Variants in PPP2R3A observed in about 807,000 individuals in gnomAD.
PPP2R3A encodes protein phosphatase 2 regulatory subunit B''alpha, also known as serine/threonine-protein phosphatase 2A regulatory subunit B'' subunit alpha.
PPP2R3A carries 80 observed loss-of-function variants against 106.9 expected under a neutral mutation model. The ratio of observed to expected loss-of-function variants is 0.75; its 90% CI spans 0.62 to 0.90. The LOEUF is 0.90. Ranked by LOEUF, PPP2R3A falls within the 40% of genes least tolerant of loss-of-function variation. The pLI is 0.00. For missense variants in PPP2R3A, 1,386 were observed against 1,350.4 expected (o/e 1.03, Z -0.41); for synonymous variants, 483 against 468.3 (o/e 1.03, Z -0.41).
At chr3:136,081,360 T>C (rs1936776548) in intron 7 of PPP2R3A, among the ~76,000 whole-genome samples, 1 of 152,194 alleles carries the variant, frequency 6.6e-6, no homozygotes, top group Admixed American at 6.5e-5. Context: ...CATTTAACCG[T>C]GTATGTTTGT....
chr3:136,087,242 CGT>C lies in PPP2R3A; in HGVS notation c.2789-638_2789-637del, dbSNP rs923472127. Among the ~76,000 whole-genome samples the C allele has an allele frequency of 6.0e-3, 404 of 67,782 alleles. 3 individuals carry two copies. Among genetic ancestry groups the C allele is most frequent in the Non-Finnish European group, 9.1e-3 (292 of 32,184 alleles). 44.5% of individuals were successfully genotyped at this position (67,782 alleles called of 152,430 possible). A position where few individuals can be genotyped will look rare whatever the true frequency, so the allele number is the denominator to read the frequency against. ...ATAAATGAAAGAACAGGTCTCTAGT[CGT>C]GTCTCTCTCTCTCTCTCTCTCTCTC... On this transcript the variant is annotated intron_variant, in intron 8 of 13. Transcript: ENST00000264977.
chr3:136,082,261 T>G lies in PPP2R3A; in HGVS notation c.2632-4T>G. 1 of 1,575,296 alleles carries G rather than the reference T, an allele frequency of 6.3e-7. No homozygotes were observed. The highest frequency in any genetic ancestry group is 8.7e-7 in the Non-Finnish European group (1 of 1,145,694). ...TTTAAATTCTTCTTTTCATATAATT[T>G]CAGACCCTAGCACTTTTGGAAGAAG... On this transcript the variant is annotated splice_region_variant and splice_polypyrimidine_tract_variant and intron_variant, in intron 7 of 13. Transcript: ENST00000264977.
chr3:136,143,009 C>T (rs188844458), intron 13 of PPP2R3A, among the ~76,000 whole-genome samples: 32 of 152,342 alleles, frequency 2.1e-4, no homozygotes, highest in African/African-American at 7.0e-4. Context: ...TTATCCAGCA[C>T]ATCCCATGCC....
At chr3:136,090,416 T>G (rs1354036911) in intron 9 of PPP2R3A, among the ~76,000 whole-genome samples, 162 bp from the exon 10 acceptor site, 6 of 152,218 alleles carry the variant, frequency 3.9e-5, no homozygotes, top group Admixed American at 3.9e-4. Flanking sequence ...TCTAGACCTT[T>G]GAAAATAAGA....
chr3:136,024,945 A>G (rs1185532065), intron 2 of PPP2R3A, among the ~76,000 whole-genome samples: 1 of 152,132 alleles, frequency 6.6e-6, no homozygotes, highest in African/African-American at 2.4e-5. Flanking sequence ...GGCAGAGAGA[A>G]ATGTTTATTG....
At chr3:136,023,137 G>T in intron 2 of PPP2R3A, 1 of 1,613,584 alleles carries the variant, frequency 6.2e-7, no homozygotes, top group Non-Finnish European at 8.5e-7. Flanking sequence ...TTCCTGGCAA[G>T]GGGCTGTGAT....
intron 13 of PPP2R3A, among the ~76,000 whole-genome samples, chr3:136,112,458 G>A (rs1231265483): frequency 1.3e-5 from 2 of 152,078 alleles, no homozygotes; most frequent in East Asian, 3.9e-4. Flanking sequence ...TACAAAATCA[G>A]TGTACAAAAA....
At chr3:136,030,772 ATATATATATGTATG>A (rs762077375) in intron 3 of PPP2R3A, among the ~76,000 whole-genome samples, 3 of 121,582 alleles carry the variant, frequency 2.5e-5, no homozygotes, top group Non-Finnish European at 3.2e-5. Context: ...ATATATATAT[ATATATATATGTATG>A]TATGTATGTA....
chr3:136,071,871 T>C (rs1936439683), intron 6 of PPP2R3A, among the ~76,000 whole-genome samples: 1 of 152,172 alleles, frequency 6.6e-6, no homozygotes, highest in South Asian at 2.1e-4. Context: ...GTTCTTCCTC[T>C]TTCCTTTGCT....
intron 13 of PPP2R3A, among the ~76,000 whole-genome samples, chr3:136,107,337 C>A (rs1253265562): frequency 2.6e-5 from 4 of 152,046 alleles, no homozygotes; most frequent in African/African-American, 9.7e-5. Flanking sequence ...ACTTCTCCTC[C>A]CCAGAAGCAA....
rs1289342843 is a variant in PPP2R3A, at chr3:136,103,351, A to C, written c.3197A>C (p.Gln1066Pro). 6.2e-7 allele frequency: 1 copy of C among 1,605,064 alleles called. No homozygotes were observed. The change falls in exon 12 of 14, where the codon CAG (glutamine) becomes CCG (proline). Residue 1066 changes from glutamine (Q) to proline (P), a missense_variant. Gln to Pro is a moderately conservative substitution (Grantham distance 76). Transcript: ENST00000264977. ...FNLEKYLDHE[Q>P]RDPFAVQKDV... ...CTGGAGAAATACTTAGACCATGAAC[A>C]GAGAGATCCCTTTGCGGTCCAGAAG...
chr3:136,019,763 T>C (rs1934400646), intron 2 of PPP2R3A, among the ~76,000 whole-genome samples: 1 of 152,200 alleles, frequency 6.6e-6, no homozygotes, highest in Admixed American at 6.5e-5. Flanking sequence ...AGTTCTTTTC[T>C]AAGCCCTTTA....
At chr3:136,119,687 A>G (rs937994074) in intron 13 of PPP2R3A, among the ~76,000 whole-genome samples, 2 of 152,238 alleles carry the variant, frequency 1.3e-5, no homozygotes, top group Non-Finnish European at 2.9e-5. Flanking sequence ...TAGAATGGCA[A>G]TCATTAAAAA....
intron 10 of PPP2R3A, among the ~76,000 whole-genome samples, chr3:136,097,547 C>T (rs958542916): frequency 6.6e-6 from 1 of 152,138 alleles, no homozygotes; most frequent in African/African-American, 2.4e-5. Context: ...GAAGGGTATG[C>T]TTTAGCTTTA....
intron 1 of PPP2R3A, among the ~76,000 whole-genome samples, chr3:135,995,682 A>G (rs1933367654): frequency 6.6e-6 from 1 of 152,096 alleles, no homozygotes; most frequent in South Asian, 2.1e-4. Context: ...CATGTTGGCC[A>G]GGTTGATTGT....
intron 6 of PPP2R3A, among the ~76,000 whole-genome samples, chr3:136,073,701 A>T (rs1936510999): frequency 6.6e-6 from 1 of 152,230 alleles, no homozygotes; most frequent in East Asian, 1.9e-4. Flanking sequence ...AAAAGGGCAA[A>T]TAAAAAGTAT....
chr3:136,099,307 C>T (rs778639678), intron 10 of PPP2R3A, among the ~76,000 whole-genome samples: 5 of 152,042 alleles, frequency 3.3e-5, no homozygotes, highest in African/African-American at 4.8e-5. Context: ...CAGAGGATCA[C>T]TAGATACCTG....
At chr3:136,022,477 A>G (rs1189782208) in intron 2 of PPP2R3A, among the ~76,000 whole-genome samples, 2 of 152,100 alleles carry the variant, frequency 1.3e-5, no homozygotes, top group Non-Finnish European at 2.9e-5. Flanking sequence ...CTTCCCTTCA[A>G]ATAAAAAATA....
intron 3 of PPP2R3A, among the ~76,000 whole-genome samples, chr3:136,031,139 ATTTTG>A (rs1559878451): frequency 6.6e-6 from 1 of 151,586 alleles, no homozygotes; most frequent in Non-Finnish European, 1.5e-5. Context: ...CTACTGTTTT[ATTTTG>A]TTTTGTTTTT....
Sources: gnomAD v4.1 joint callset for allele counts (sites outside exome capture counted in the v4.1 genomes callset) on GRCh38, gnomAD v4.1.1 for gene constraint, MANE v1.5 for transcripts, NCBI Gene and HGNC (gene_info 2026-07-23, HGNC 2026-07-21) for gene names.